Variants in PDE6C observed in about 807,000 individuals in gnomAD.
The protein encoded by PDE6C is cone cGMP-specific 3',5'-cyclic phosphodiesterase subunit alpha'.
In PDE6C, 75 loss-of-function variants were observed where a neutral mutation model predicts 113.1. The observed-to-expected ratio is 0.66, with a 90% confidence interval of 0.55 to 0.80. The LOEUF (loss-of-function observed/expected upper bound fraction) is 0.80, where lower values mean the gene tolerates loss of function less well. Among genes scored for constraint, PDE6C ranks in the 30% least tolerant of loss-of-function variants. The probability of loss-of-function intolerance (pLI) is 0.00; values close to 1 mark genes in which losing one functional copy is unlikely to be tolerated. For missense variants in PDE6C, 912 were observed against 1,038.6 expected (o/e 0.88, Z 1.67); for synonymous variants, 375 against 363.7 (o/e 1.03, Z -0.35).
At position 93,635,544 on chromosome 10, in the gene PDE6C, C is replaced by T. The variant is rs367597865; in HGVS notation, c.1317C>T (p.Tyr439=). The change falls in exon 10 of 22, where the codon TAC becomes TAT. Residue 439 remains tyrosine (Y), a synonymous_variant. Coordinates refer to ENST00000371447, the MANE Select transcript of PDE6C (RefSeq NM_006204.4). ...GGTCTCTTTTAAATACTGACACCTA[C>T]GATAAGATGAATAAGCTAGAAAACA... ...LGWSLLNTDT[Y]DKMNKLENRK... is the part of the protein sequence containing the mutation. 7.6e-5 allele frequency: 123 copies of T among 1,611,940 alleles called. No homozygotes were observed. The highest frequency in any genetic ancestry group is 4.9e-4 in the Middle Eastern group (3 of 6,080).
chr10:93,658,628 G>A (rs765972259), intron 16 of PDE6C, among the ~76,000 whole-genome samples: 64 of 151,664 alleles, frequency 4.2e-4, no homozygotes, highest in Non-Finnish European at 5.4e-4. Flanking sequence ...TAACTTTTTC[G>A]TTGTAATGTA....
intron 1 of PDE6C, among the ~76,000 whole-genome samples, chr10:93,619,768 A>G (rs1416289557): frequency 6.6e-6 from 1 of 152,212 alleles, no homozygotes; most frequent in African/African-American, 2.4e-5. Flanking sequence ...TGTAAAGAAA[A>G]ACTGTATGTT....
intron 1 of PDE6C, among the ~76,000 whole-genome samples, chr10:93,615,968 T>C (rs1340602809): frequency 2.6e-5 from 4 of 152,158 alleles, no homozygotes; most frequent in Non-Finnish European, 2.9e-5. Flanking sequence ...CAGTGCTGTT[T>C]GCCTACCTTA....
intron 21 of PDE6C, among the ~76,000 whole-genome samples, chr10:93,663,678 C>T: frequency 1.2e-5 from 1 of 81,882 alleles, no homozygotes; most frequent in Non-Finnish European, 3.2e-5. Flanking sequence ...TGCCGGTCTC[C>T]CAAATGTCTC....
intron 8 of PDE6C, among the ~76,000 whole-genome samples, chr10:93,632,492 G>A (rs181285485): frequency 1.6e-4 from 25 of 152,238 alleles, no homozygotes; most frequent in African/African-American, 6.0e-4. Flanking sequence ...TAAACCTTGG[G>A]TTCCTTCTGT....
chr10:93,640,270 G>A (rs2058552788), intron 12 of PDE6C, 54 bp downstream of exon 12: 2 of 1,524,562 alleles, frequency 1.3e-6, no homozygotes, highest in Admixed American at 3.3e-5. Flanking sequence ...CTGCTTCACT[G>A]ATGTTTTCTG....
At chr10:93,618,286 C>CT (rs915515029) in intron 1 of PDE6C, among the ~76,000 whole-genome samples, 48 of 151,736 alleles carry the variant, frequency 3.2e-4, no homozygotes, top group Non-Finnish European at 5.3e-4. Flanking sequence ...GCCAGACACT[C>CT]TTTTTTTTTC....
rs777545660 is a variant in PDE6C, at chr10:93,622,115, A to G, written c.864+43A>G. ...CATTTTGTCTCATCTCACATCGCCTATATAACACACACCACAGGAAATGTG... is the reference window on the plus strand; with the variant it reads ...CATTTTGTCTCATCTCACATCGCCTGTATAACACACACCACAGGAAATGTG... On this transcript the variant is annotated intron_variant, in intron 4 of 21. Coordinates refer to ENST00000371447, the MANE Select transcript of PDE6C (RefSeq NM_006204.4). 4.5e-6 allele frequency: 7 copies of G among 1,571,480 alleles called. No homozygotes were observed. In the Admixed American group the frequency reaches 5.0e-5, roughly 11 times the overall value.
At chr10:93,634,025 T>C (rs1376426345) in intron 8 of PDE6C, among the ~76,000 whole-genome samples, 1 of 152,026 alleles carries the variant, frequency 6.6e-6, no homozygotes, top group East Asian at 1.9e-4. Flanking sequence ...AAGATTACTC[T>C]TTCTTTTTTT....
chr10:93,634,698 T>C lies in PDE6C; in HGVS notation c.1120-60T>C, dbSNP rs1856563. 0.99 allele frequency: 1,546,122 copies of C among 1,558,768 alleles called. 767,539 individuals are homozygous for C. The highest frequency in any genetic ancestry group is 1 in the East Asian group (44,233 of 44,244). On this transcript the variant is annotated intron_variant, in intron 8 of 21. Coordinates refer to ENST00000371447, the MANE Select transcript of PDE6C (RefSeq NM_006204.4). ...ATTTCTTTTGTAATATCCTGTGAAT[T>C]TATGATTATTTCAAACTAAAAAGGC... is the stretch of plus-strand genomic sequence containing the variant.
intron 6 of PDE6C, 49 bp downstream of exon 6, chr10:93,626,753 A>G: frequency 6.2e-7 from 1 of 1,605,990 alleles, no homozygotes. Context: ...GTATTTTTGC[A>G]CATATTGCAT....
chr10:93,634,044 A>G (rs1159545463), intron 8 of PDE6C, among the ~76,000 whole-genome samples: 1 of 150,324 alleles, frequency 6.7e-6, no homozygotes, highest in Non-Finnish European at 1.5e-5. Flanking sequence ...TTTTTTTGAG[A>G]TGGAATTTCA....
chr10:93,615,677 C>T (rs559199200), intron 1 of PDE6C, among the ~76,000 whole-genome samples: 37 of 152,300 alleles, frequency 2.4e-4, no homozygotes, highest in African/African-American at 8.7e-4. Context: ...CCACTGCGCC[C>T]GGCCCAGGCA....
At chr10:93,655,609 C>CA (rs1564805050) in intron 15 of PDE6C, 151 bp from the exon 16 acceptor site, 271 of 462,406 alleles carry the variant, frequency 5.9e-4, no homozygotes, top group Middle Eastern at 5.3e-4. Flanking sequence ...TAAAAGCAAG[C>CA]CAAAAAAAAA....
intron 4 of PDE6C, among the ~76,000 whole-genome samples, chr10:93,623,957 T>C (rs973635713): frequency 7.9e-5 from 12 of 152,072 alleles, no homozygotes; most frequent in Non-Finnish European, 5.9e-5. Context: ...ATCTGTAAAA[T>C]GAGGACATCT....
At chr10:93,638,615 A>G (rs1454983021) in intron 11 of PDE6C, among the ~76,000 whole-genome samples, 1 of 152,242 alleles carries the variant, frequency 6.6e-6, no homozygotes. Context: ...AAACCAGCCT[A>G]TTTTGAATGT....
At chr10:93,656,812 G>GC (rs2058639950) in intron 16 of PDE6C, among the ~76,000 whole-genome samples, 1 of 151,926 alleles carries the variant, frequency 6.6e-6, no homozygotes, top group African/African-American at 2.4e-5. Context: ...CAACTGATCT[G>GC]CCCACCTGGC....
chr10:93,656,500 T>C (rs1038246608), intron 16 of PDE6C, among the ~76,000 whole-genome samples: 1 of 152,162 alleles, frequency 6.6e-6, no homozygotes, highest in East Asian at 1.9e-4. Flanking sequence ...GATGGAAATA[T>C]TCAGTGGCTT....
chr10:93,648,127 T>C (rs1047367511), intron 15 of PDE6C, among the ~76,000 whole-genome samples: 3 of 152,236 alleles, frequency 2.0e-5, no homozygotes, highest in African/African-American at 7.2e-5. Flanking sequence ...TTAAATGTTT[T>C]TCCTTCTGGG....
Sources: allele counts gnomAD v4.1 joint callset (sites outside exome capture counted in the v4.1 genomes callset), GRCh38; gene constraint gnomAD v4.1.1; transcripts MANE v1.5; gene names NCBI Gene and HGNC (gene_info 2026-07-23, HGNC 2026-07-21).